The following RPL29 variants were observed in gnomAD, a reference collection of about 807,000 sequenced individuals.
The protein encoded by RPL29 is large ribosomal subunit protein eL29.
In RPL29, 4 loss-of-function variants were observed where a neutral mutation model predicts 7.2. The ratio of observed to expected loss-of-function variants is 0.55; its 90% confidence interval spans 0.27 to 1.26. RPL29 has a LOEUF of 1.26. Among genes scored for constraint, RPL29 ranks in the 50% most tolerant of loss-of-function variants. The probability of loss-of-function intolerance (pLI) is 0.11; values close to 1 mark genes in which losing one functional copy is unlikely to be tolerated. For missense variants in RPL29, 148 were observed against 209.1 expected (o/e 0.71, Z 1.80); for synonymous variants, 73 against 72.8 (o/e 1.00, Z -0.01).
intron 3 of RPL29, chr3:51,994,534 C>T (rs1464347596): frequency 8.8e-6 from 3 of 341,570 alleles, no homozygotes; most frequent in East Asian, 6.0e-5. Context: ...TATGGGGAAA[C>T]TGAGGCTCAG....
intron 3 of RPL29, chr3:51,994,553 A>T: frequency 2.8e-6 from 1 of 358,578 alleles, no homozygotes; most frequent in Non-Finnish European, 5.1e-6. Flanking sequence ...AGAGTTTGTG[A>T]TTCACTCCAC....
rs17081504 is a variant in RPL29 at position 51,994,004 on chromosome 3, G to A, written c.225C>T (p.Leu75=). Residue 75 remains leucine, a synonymous_variant, in exon 4 of 4, where the codon CTC becomes CTT. Coordinates refer to ENST00000294189, the MANE Select transcript of RPL29 (RefSeq NM_000992.3). Reference sequence around the variant, plus strand: ...TGGGCTTAACCTCCTTGGGCTTTACGAGGGCCTTGATAGCCTCGGCACGTG... The same window carrying A: ...TGGGCTTAACCTCCTTGGGCTTTACAAGGGCCTTGATAGCCTCGGCACGTG... The part of the protein sequence containing the change: ...MSARAEAIKA[L]VKPKEVKPKI... The A allele has an allele frequency of 8.8e-5, 141 of 1,598,388 alleles. No individual in the cohort carries two copies. The Admixed American group carries it at 1.7e-3, about 19-fold the overall frequency.
At chr3:51,995,378 C>T (rs768048389) in intron 2 of RPL29, 47 bp downstream of exon 2, 1 of 1,607,252 alleles carries the variant, frequency 6.2e-7, no homozygotes, top group East Asian at 2.2e-5. Context: ...TTGCCTGAAC[C>T]AGTCCTTGCC....
In RPL29 at chr3:51,993,770, G is replaced by C; in HGVS notation, c.459C>G (p.Ala153=). ...ATATCTACTCTGAAGCCTTTGTAGG[G>C]GCCTGGGTACGTTTGGGAGCCTGAG... The part of the protein sequence containing the change: ...VPAQAPKRTQ[A]PTKASE Residue 153 remains alanine (A), a synonymous_variant, in exon 4 of 4, where the codon GCC becomes GCG. Transcript: ENST00000294189. 6.3e-7 allele frequency: 1 copy of C among 1,595,086 alleles called. No homozygotes were observed.
At chr3:51,995,600 C>G (rs2106854186) in intron 1 of RPL29, 131 bp from the exon 2 acceptor site, 1 of 842,056 alleles carries the variant, frequency 1.2e-6, no homozygotes, top group South Asian at 1.5e-5. Flanking sequence ...TTACTCTGCA[C>G]GACCAAACGC....
rs748908698 is a variant in RPL29, at chr3:51,993,901, C to A, written c.328G>T (p.Ala110Ser). 1.9e-6 allele frequency: 3 copies of A among 1,596,500 alleles called. No homozygotes were observed. Among genetic ancestry groups the A allele is most frequent in the Admixed American group, 1.7e-5 (1 of 60,022 alleles). ...AHPKLGKRAR[A>S]RIAKGLRLCR... ...AGCCTGAGCCCCTTGGCAATACGGG[C>A]ACGAGCACGCTTCCCAAGCTTGGGG... is the stretch of plus-strand genomic sequence containing the variant. Residue 110 changes from alanine to serine, a missense_variant, in exon 4 of 4, where the codon GCC (alanine) becomes TCC (serine). Physicochemically the swap from Ala to Ser is moderately conservative, Grantham distance 99. Coordinates refer to ENST00000294189, the MANE Select transcript of RPL29 (RefSeq NM_000992.3).
In RPL29 at chr3:51,993,780, C is replaced by T. The variant is rs142637200; in HGVS notation, c.449G>A (p.Arg150His). ...TGAAGCCTTTGTAGGGGCCTGGGTA[C>T]GTTTGGGAGCCTGAGCTGGAACTGA... is the stretch of plus-strand genomic sequence containing the variant. The part of the protein sequence containing the change: ...PASVPAQAPK[R>H]TQAPTKASE The change falls in exon 4 of 4, where the codon CGT becomes CAT. Residue 150 changes from arginine (R) to histidine (H), a missense_variant. Arg to His is a conservative substitution (Grantham distance 29). Transcript: ENST00000294189. 199 of 1,595,696 alleles carry T rather than the reference C, an allele frequency of 1.2e-4. 3 individuals are homozygous for T. In the South Asian group the frequency reaches 1.8e-3, roughly 15 times the overall value.
At chr3:51,994,977 T>C (rs748257584) in intron 3 of RPL29, 65 bp downstream of exon 3, 6 of 1,391,240 alleles carry the variant, frequency 4.3e-6, no homozygotes, top group South Asian at 1.2e-5. Flanking sequence ...AAAAACTACA[T>C]GAGAGGCCTT....
At position 51,995,242 on chromosome 3, in the gene RPL29, A is replaced by C; in HGVS notation, c.38-136T>G. Reference sequence around the variant, plus strand: ...ACTTGAGATATGGGAAACCCTTACTACTAAATGCAAAACACTCTGTATCTC... The same window carrying C: ...ACTTGAGATATGGGAAACCCTTACTCCTAAATGCAAAACACTCTGTATCTC... On this transcript the variant is annotated intron_variant, in intron 2 of 3. Coordinates refer to ENST00000294189, the MANE Select transcript of RPL29 (RefSeq NM_000992.3). 6 of 973,038 alleles carry C rather than the reference A, an allele frequency of 6.2e-6. No individual in the cohort carries two copies. The South Asian group carries it at 9.0e-5, about 15-fold the overall frequency. 60.3% of individuals were successfully genotyped at this position (973,038 alleles called of 1,614,324 possible). A position where few individuals can be genotyped will look rare whatever the true frequency, so the allele number is the denominator to read the frequency against.
In RPL29 at chr3:51,994,054, C is replaced by T; in HGVS notation, c.175G>A (p.Ala59Thr). ...HNKKGLKKMQ[A>T]NNAKAMSARA... ...GCACTCATGGCCTTGGCATTGTTGG[C>T]CTGCATCTTCTTTAGGCCCTTTTTG... Residue 59 changes from alanine (A) to threonine (T), a missense_variant, in exon 4 of 4, where the codon GCC (alanine) becomes ACC (threonine). Ala to Thr is a moderately conservative substitution (Grantham distance 58). Coordinates refer to ENST00000294189, the MANE Select transcript of RPL29 (RefSeq NM_000992.3). 1 of 1,601,676 alleles carries T rather than the reference C, an allele frequency of 6.2e-7. No homozygotes were observed. Among genetic ancestry groups the T allele is most frequent in the Non-Finnish European group, 8.5e-7 (1 of 1,179,086 alleles).
chr3:51,994,568 CAG>C (rs1444385268), intron 3 of RPL29: 1 of 395,972 alleles, frequency 2.5e-6, no homozygotes, highest in Non-Finnish European at 4.6e-6. Flanking sequence ...CTCCACGGAA[CAG>C]AGAGCAAAAG....
At chr3:51,995,139 A>T (rs1321559643) in intron 2 of RPL29, 33 bp from the exon 3 acceptor site, 3 of 1,582,770 alleles carry the variant, frequency 1.9e-6, no homozygotes, top group Non-Finnish European at 2.6e-6. Context: ...TAAGCCAACA[A>T]AGAACTTTCC....
At position 51,993,837 on chromosome 3, in the gene RPL29, TCCTTGGCCTTGG is replaced by T. The variant is rs71084167; in HGVS notation, c.380_391del (p.Ala127_Lys130del). 1.8e-3 allele frequency: 2,927 copies of T among 1,588,268 alleles called. 25 individuals are homozygous for T. The African/African-American group carries it at 0.028, about 15-fold the overall frequency. On this transcript the variant is annotated inframe_deletion, in exon 4 of 4. Coordinates refer to ENST00000294189, the MANE Select transcript of RPL29 (RefSeq NM_000992.3). ...GGCTGCAGCCTGGGCCTTGGTTTGATCCTTGGCCTTGGCCTTGGCCTTGGCCTTTGGCCGGCA... is the reference window on the plus strand; with the variant it reads ...GGCTGCAGCCTGGGCCTTGGTTTGATCCTTGGCCTTGGCCTTTGGCCGGCA...
rs766255228 is a variant in RPL29, at chr3:51,995,085, C to T, written c.59G>A (p.Gly20Asp). 4.4e-6 allele frequency: 7 copies of T among 1,608,934 alleles called. No homozygotes were observed. Among genetic ancestry groups the T allele is most frequent in the Admixed American group, 1.7e-5 (1 of 59,666 alleles). Reference sequence around the variant, plus strand: ...TCTTTGTGATCGGGGTTTCTTGATACCATTTCTGTGCCATTTTCGGGCTGT... The same window carrying T: ...TCTTTGTGATCGGGGTTTCTTGATATCATTTCTGTGCCATTTTCGGGCTGT... ...HNQSRKWHRNGIKKPRSQRYE... is the reference protein window; with the variant it reads ...HNQSRKWHRNDIKKPRSQRYE... The change falls in exon 3 of 4, where the codon GGT becomes GAT. Residue 20 changes from glycine (G) to aspartate (D), a missense_variant. Transcript: ENST00000294189.
chr3:51,995,202 T>TC, intron 2 of RPL29, 96 bp from the exon 3 acceptor site: 1 of 1,131,220 alleles, frequency 8.8e-7, no homozygotes, highest in Non-Finnish European at 1.3e-6. Flanking sequence ...AACCAACACT[T>TC]CCTACAGCAG....
At position 51,993,556 on chromosome 3, in the gene RPL29, C is replaced by A; in HGVS notation, c.*193G>T. 4 of 608,900 alleles carry A rather than the reference C, an allele frequency of 6.6e-6. No homozygotes were observed. The South Asian group carries it at 8.9e-5, about 14-fold the overall frequency. 37.7% of individuals were successfully genotyped at this position (608,900 alleles called of 1,614,324 possible). ...CCCACCCACACCCCACCATCCAGAC[C>A]CATGTCTTCTCCCACACCAACAGAT... On this transcript the variant is annotated 3_prime_UTR_variant, in exon 4 of 4. Coordinates refer to ENST00000294189, the MANE Select transcript of RPL29 (RefSeq NM_000992.3).
intron 3 of RPL29, chr3:51,994,801 T>C: frequency 2.8e-6 from 2 of 702,802 alleles, no homozygotes; most frequent in Non-Finnish European, 5.2e-6. Flanking sequence ...GCAAGGGAGA[T>C]AGCCAAACTG....
At position 51,995,478 on chromosome 3, in the gene RPL29, CA is replaced by C. The variant is rs767762141; in HGVS notation, c.-8-10del. The C allele has an allele frequency of 5.2e-5, 84 of 1,613,716 alleles. No homozygotes were observed. Among genetic ancestry groups the C allele is most frequent in the Non-Finnish European group, 6.7e-5 (79 of 1,180,024 alleles). ...CTTGGCCATGTCTGCACCTGGAAGA[CA>C]AAAGTGGAGATCAGGGTTAAGGGCT... On this transcript the variant is annotated splice_polypyrimidine_tract_variant and intron_variant, in intron 1 of 3. Coordinates refer to ENST00000294189, the MANE Select transcript of RPL29 (RefSeq NM_000992.3).
rs1701297579 is a variant in RPL29, at chr3:51,995,093, G to T, written c.51C>A (p.His17Gln). 7.5e-6 allele frequency: 12 copies of T among 1,606,440 alleles called. No homozygotes were observed. The highest frequency in any genetic ancestry group is 1.0e-5 in the Non-Finnish European group (12 of 1,175,638). ...ATCGGGGTTTCTTGATACCATTTCT[G>T]TGCCATTTTCGGGCTGTGGGAGAAA... ...HTTHNQSRKW[H>Q]RNGIKKPRSQ... is the part of the protein sequence containing the mutation. Residue 17 changes from histidine to glutamine, a missense_variant, in exon 3 of 4, where the codon CAC becomes CAA. Coordinates refer to ENST00000294189, the MANE Select transcript of RPL29 (RefSeq NM_000992.3).
Sources: gnomAD v4.1 joint callset for allele counts on GRCh38, gnomAD v4.1.1 for gene constraint, MANE v1.5 for transcripts, NCBI Gene and HGNC (gene_info 2026-07-23, HGNC 2026-07-21) for gene names.